The following KCNA6 variants were observed in gnomAD, a reference collection of about 807,000 sequenced individuals.
KCNA6 encodes potassium voltage-gated channel subfamily A member 6.
Under a neutral mutation model 29.5 loss-of-function variants are expected in KCNA6, and 17 were observed. That is an observed-to-expected ratio of 0.58 (90% CI 0.39 to 0.86). KCNA6 has a LOEUF of 0.86. Among genes scored for constraint, KCNA6 ranks in the 40% least tolerant of loss-of-function variants. The pLI, the probability that KCNA6 is intolerant of heterozygous loss-of-function variation, is 0.00. For synonymous variants in KCNA6, 296 were observed against 304.7 expected (o/e 0.97, Z 0.30); for missense variants, 450 against 703.4 (o/e 0.64, Z 4.07).
At chr12:4,848,695 C>T in the KCNA6 span, among the ~76,000 whole-genome samples, 1 of 151,926 alleles carries the variant, frequency 6.6e-6, no homozygotes, top group Non-Finnish European at 1.5e-5. Flanking sequence ...CCACCACGCC[C>T]GGCTAATTTT....
the KCNA6 span, among the ~76,000 whole-genome samples, chr12:4,824,260 A>C: frequency 2.6e-5 from 4 of 152,334 alleles, no homozygotes; most frequent in Admixed American, 2.6e-4. Flanking sequence ...AGGCATAAGC[A>C]AGGTCTCTTG....
downstream of KCNA6, among the ~76,000 whole-genome samples, chr12:4,818,216 T>C (rs923933478): frequency 6.6e-6 from 1 of 152,206 alleles, no homozygotes; most frequent in Non-Finnish European, 1.5e-5. Flanking sequence ...TTGCGTTGCA[T>C]CCTTCCCACT....
chr12:4,816,581 A>G (rs1301827971), downstream of KCNA6, among the ~76,000 whole-genome samples: 1 of 152,166 alleles, frequency 6.6e-6, no homozygotes, highest in African/African-American at 2.4e-5. Flanking sequence ...GTAAACTCAG[A>G]ATTCCTTAAG....
At chr12:4,838,688 G>A in the KCNA6 span, among the ~76,000 whole-genome samples, 3 of 152,186 alleles carry the variant, frequency 2.0e-5, no homozygotes, top group Admixed American at 6.5e-5. Context: ...TAACTGCTGT[G>A]GTGGCTAGAA....
the KCNA6 span, among the ~76,000 whole-genome samples, chr12:4,826,940 AGTTTTTATCT>A: frequency 6.6e-6 from 1 of 152,294 alleles, no homozygotes; most frequent in East Asian, 1.9e-4. Flanking sequence ...GAGAGACAAT[AGTTTTTATCT>A]ACTGTCAAGC....
At chr12:4,845,196 A>T in the KCNA6 span, among the ~76,000 whole-genome samples, 3 of 152,072 alleles carry the variant, frequency 2.0e-5, no homozygotes, top group Non-Finnish European at 4.4e-5. Context: ...TCTTCTCTGG[A>T]TGGGACAAAC....
chr12:4,816,249 G>GGTGTGTGTGT (rs59638657), downstream of KCNA6, among the ~76,000 whole-genome samples: 10 of 142,738 alleles, frequency 7.0e-5, no homozygotes, highest in Non-Finnish European at 1.2e-4. Flanking sequence ...ACCACGAACT[G>GGTGTGTGTGT]GTGTGTGTGT....
chr12:4,832,791 A>T, the KCNA6 span, among the ~76,000 whole-genome samples: 1 of 152,158 alleles, frequency 6.6e-6, no homozygotes, highest in East Asian at 1.9e-4. Flanking sequence ...CCTAGCTCAT[A>T]TCCAGCTCTT....
At chr12:4,846,838 G>A in the KCNA6 span, among the ~76,000 whole-genome samples, 1 of 144,562 alleles carries the variant, frequency 6.9e-6, no homozygotes, top group African/African-American at 2.6e-5. Flanking sequence ...GAGTGCCATG[G>A]TGCTATCTCA....
At chr12:4,828,322 T>C in the KCNA6 span, among the ~76,000 whole-genome samples, 1 of 152,266 alleles carries the variant, frequency 6.6e-6, no homozygotes, top group Non-Finnish European at 1.5e-5. Flanking sequence ...CTTCATATTA[T>C]GTCTCTAGTT....
chr12:4,838,252 C>A, the KCNA6 span, among the ~76,000 whole-genome samples: 3 of 152,136 alleles, frequency 2.0e-5, no homozygotes, highest in Non-Finnish European at 2.9e-5. Context: ...TTCAGAGCTG[C>A]CTGGGAATCA....
the KCNA6 span, among the ~76,000 whole-genome samples, chr12:4,828,403 G>A: frequency 7.9e-5 from 12 of 152,310 alleles, no homozygotes; most frequent in Middle Eastern, 3.4e-3. Context: ...CCTATTGGAC[G>A]TTCAGGTTGC....
the KCNA6 span, among the ~76,000 whole-genome samples, chr12:4,840,239 C>CTA: frequency 5.4e-5 from 8 of 147,158 alleles, no homozygotes; most frequent in East Asian, 6.2e-4. Context: ...ATCTATCTAT[C>CTA]TATCTCCTCT....
chr12:4,840,260 G>T, the KCNA6 span, among the ~76,000 whole-genome samples: 1 of 150,858 alleles, frequency 6.6e-6, no homozygotes, highest in Non-Finnish European at 1.5e-5. Context: ...TAAAGATAAA[G>T]TGACGCTTGA....
chr12:4,823,594 C>A, the KCNA6 span, among the ~76,000 whole-genome samples: 31 of 151,942 alleles, frequency 2.0e-4, no homozygotes, highest in Non-Finnish European at 4.0e-4. Flanking sequence ...TGGTGAAACT[C>A]CATCTCTACT....
chr12:4,815,446 G>T (rs1946673030), downstream of KCNA6, among the ~76,000 whole-genome samples: 1 of 152,202 alleles, frequency 6.6e-6, no homozygotes, highest in South Asian at 2.1e-4. Flanking sequence ...GAGAAGGCAG[G>T]CTGGGAGGGA....
At chr12:4,837,749 G>C in the KCNA6 span, among the ~76,000 whole-genome samples, 1 of 152,118 alleles carries the variant, frequency 6.6e-6, no homozygotes, top group African/African-American at 2.4e-5. Flanking sequence ...AATGTCCTCT[G>C]TGGACAATGC....
chr12:4,820,205 G>A, the KCNA6 span, among the ~76,000 whole-genome samples: 8 of 152,206 alleles, frequency 5.3e-5, no homozygotes, highest in South Asian at 2.1e-4. Context: ...TTGCCCTTAC[G>A]GTGTGATTTA....
chr12:4,842,304 T>C, the KCNA6 span, among the ~76,000 whole-genome samples: 1 of 152,038 alleles, frequency 6.6e-6, no homozygotes, highest in Non-Finnish European at 1.5e-5. Context: ...GACCCCATGA[T>C]GACAGAAACA....
Sources: allele counts gnomAD v4.1 joint callset (sites outside exome capture counted in the v4.1 genomes callset), GRCh38; gene constraint gnomAD v4.1.1; transcripts MANE v1.5; gene names NCBI Gene and HGNC (gene_info 2026-07-23, HGNC 2026-07-21).